Variants in ZNF804A observed in about 807,000 individuals in gnomAD.
The protein encoded by ZNF804A is zinc finger protein 804A.
ZNF804A carries 2 observed loss-of-function variants against 16.5 expected under a neutral mutation model. The observed-to-expected ratio is 0.12, with a 90% CI of 0.05 to 0.38. The LOEUF is 0.38. ZNF804A is among the 10% of genes least tolerant of loss of function. The pLI is 0.99. For synonymous variants in ZNF804A, 534 were observed against 489.6 expected, an observed-to-expected ratio of 1.09 and a Z score of -1.20; for missense variants, 1,473 against 1,390.7, an observed-to-expected ratio of 1.06 and a Z score of -0.94.
intron 1 of ZNF804A, among the ~76,000 whole-genome samples, chr2:184,655,344 G>A (rs1692059348): frequency 6.6e-6 from 1 of 152,130 alleles, no homozygotes; most frequent in Admixed American, 6.5e-5. Context: ...CTGTCAAGTT[G>A]CAAAGGATGG....
At chr2:184,713,856 A>G (rs1693172602) in intron 1 of ZNF804A, among the ~76,000 whole-genome samples, 1 of 152,060 alleles carries the variant, frequency 6.6e-6, no homozygotes. Context: ...AGGAAATAAT[A>G]TGTTGTGTCA....
At chr2:184,835,001 A>G (rs1247476661) in intron 1 of ZNF804A, among the ~76,000 whole-genome samples, 1 of 152,190 alleles carries the variant, frequency 6.6e-6, no homozygotes, top group Non-Finnish European at 1.5e-5. Flanking sequence ...TGAAAGATCA[A>G]CTGACTACCT....
intron 1 of ZNF804A, among the ~76,000 whole-genome samples, chr2:184,676,591 A>C (rs1424357162): frequency 6.6e-6 from 1 of 151,792 alleles, no homozygotes; most frequent in Non-Finnish European, 1.5e-5. Flanking sequence ...TATCATATAC[A>C]ATATGAGTAT....
intron 2 of ZNF804A, among the ~76,000 whole-genome samples, chr2:184,876,564 C>T (rs1262289287): frequency 2.0e-5 from 3 of 152,142 alleles, no homozygotes; most frequent in African/African-American, 7.2e-5. Flanking sequence ...CACACATTTA[C>T]ATATATATAG....
intron 1 of ZNF804A, among the ~76,000 whole-genome samples, chr2:184,828,323 G>C (rs1055795892): frequency 6.6e-6 from 1 of 151,638 alleles, no homozygotes; most frequent in Non-Finnish European, 1.5e-5. Flanking sequence ...ATTACAATGT[G>C]ATAACAAAAT....
At chr2:184,644,184 C>T (rs1438552928) in intron 1 of ZNF804A, among the ~76,000 whole-genome samples, 1 of 151,102 alleles carries the variant, frequency 6.6e-6, no homozygotes, top group East Asian at 1.9e-4. Context: ...GTTAGAGGTA[C>T]AAAGACAAGA....
intron 3 of ZNF804A, 132 bp from the exon 4 acceptor site, chr2:184,935,651 G>A: frequency 9.7e-7 from 1 of 1,033,712 alleles, no homozygotes; most frequent in Non-Finnish European, 1.3e-6. Context: ...TACACCATAT[G>A]AAGGCAATTC....
At chr2:184,673,749 C>A (rs1692376894) in intron 1 of ZNF804A, among the ~76,000 whole-genome samples, 1 of 151,922 alleles carries the variant, frequency 6.6e-6, no homozygotes. Context: ...GAAAAACGGG[C>A]AAAGGGAAAA....
At position 184,786,797 on chromosome 2, in the gene ZNF804A, G is replaced by A. The variant is rs138445476; in HGVS notation, c.112-79572G>A. ...TGAATATAATTTTAATTCCAAATCT[G>A]ACCATAATTCCTAATGTATTTCTTT... On this transcript the variant is annotated intron_variant, in intron 1 of 3. Coordinates refer to ENST00000302277, the MANE Select transcript of ZNF804A (RefSeq NM_194250.2). 2.5e-3 allele frequency among the ~76,000 whole-genome samples: 382 copies of A among 151,868 alleles called. 1 individual carries two copies. The highest frequency in any genetic ancestry group is 8.7e-3 in the African/African-American group (361 of 41,454).
intron 1 of ZNF804A, among the ~76,000 whole-genome samples, chr2:184,754,804 A>G (rs1391810196): frequency 6.6e-6 from 1 of 151,800 alleles, no homozygotes; most frequent in African/African-American, 2.4e-5. Context: ...CCTTTAGTGT[A>G]ATCATATAAA....
chr2:184,821,174 G>A (rs2105791096), intron 1 of ZNF804A, among the ~76,000 whole-genome samples: 1 of 152,172 alleles, frequency 6.6e-6, no homozygotes, highest in Middle Eastern at 3.4e-3. Flanking sequence ...ATACTACAAG[G>A]CTGCAGTAAC....
At chr2:184,773,538 G>A (rs915945065) in intron 1 of ZNF804A, among the ~76,000 whole-genome samples, 1 of 151,946 alleles carries the variant, frequency 6.6e-6, no homozygotes, top group Non-Finnish European at 1.5e-5. Flanking sequence ...TATTCTTAGT[G>A]AAGTAACTCA....
Position 184,938,703 on chromosome 2 carries a change from T to C in ZNF804A, c.3307T>C (p.Leu1103=). ...TSVTTIHHTV[L]QQHAAAAAAA... is the part of the protein sequence containing the mutation. The stretch of plus-strand genomic sequence containing the variant: ...TGTAACCACTATCCATCACACTGTT[T>C]TGCAGCAGCACGCTGCAGCTGCTGC... The change falls in exon 4 of 4, where the codon TTG becomes CTG. Residue 1103 remains leucine (L), a synonymous_variant. Transcript: ENST00000302277. 1 of 1,613,596 alleles carries C rather than the reference T, an allele frequency of 6.2e-7. No homozygotes were observed. Among genetic ancestry groups the C allele is most frequent in the Non-Finnish European group, 8.5e-7 (1 of 1,179,786 alleles).
At chr2:184,664,622 A>G (rs1235229960) in intron 1 of ZNF804A, among the ~76,000 whole-genome samples, 1 of 152,184 alleles carries the variant, frequency 6.6e-6, no homozygotes, top group African/African-American at 2.4e-5. Flanking sequence ...TGCAGCTACA[A>G]CATCGATTTC....
In ZNF804A at chr2:184,936,197, G is replaced by T. The variant is rs1313529296; in HGVS notation, c.801G>T (p.Val267=). ...TTCAACAATCTTCACCAACAGATGT[G>T]CTTTTGAGTTCTGAGGAGAAAACTA... ...CHLQQSSPTD[V]LLSSEEKTNS... is the part of the protein sequence containing the mutation. The change falls in exon 4 of 4, where the codon GTG becomes GTT. Residue 267 remains valine (V), a synonymous_variant. Transcript: ENST00000302277. The T allele has an allele frequency of 6.2e-7, 1 of 1,614,006 alleles. No homozygotes were observed. Among genetic ancestry groups the T allele is most frequent in the African/African-American group, 1.3e-5 (1 of 75,058 alleles).
intron 1 of ZNF804A, among the ~76,000 whole-genome samples, chr2:184,782,619 A>G (rs1364741033): frequency 6.6e-6 from 1 of 150,452 alleles, no homozygotes; most frequent in Admixed American, 6.7e-5. Flanking sequence ...CTATTGTGGG[A>G]CCTTGTGATT....
intron 1 of ZNF804A, among the ~76,000 whole-genome samples, chr2:184,630,945 A>C (rs1441081562): frequency 6.6e-6 from 1 of 152,156 alleles, no homozygotes; most frequent in African/African-American, 2.4e-5. Flanking sequence ...TATTCTTCAG[A>C]GATTGGATTT....
rs904478907 is a variant in ZNF804A at position 184,915,022 on chromosome 2, G to A, written c.256-18581G>A. On this transcript the variant is annotated intron_variant, in intron 2 of 3. Coordinates refer to ENST00000302277, the MANE Select transcript of ZNF804A (RefSeq NM_194250.2). ...ATATAATTGGAGTAGTCATGCAGTA[G>A]TAATTTTTATTTTGGTTTTACAATA... Among the ~76,000 whole-genome samples, 9 of 151,830 alleles carry A rather than the reference G, an allele frequency of 5.9e-5. No homozygotes were observed. In the East Asian group the frequency reaches 1.7e-3, roughly 30 times the overall value.
intron 1 of ZNF804A, among the ~76,000 whole-genome samples, chr2:184,623,770 C>T (rs572855086): frequency 5.0e-4 from 76 of 152,230 alleles, no homozygotes; most frequent in African/African-American, 1.7e-3. Flanking sequence ...CAGGTGTGCA[C>T]GCACATACAC....
Sources: gnomAD v4.1 joint callset for allele counts (sites outside exome capture counted in the v4.1 genomes callset) on GRCh38, gnomAD v4.1.1 for gene constraint, MANE v1.5 for transcripts, NCBI Gene and HGNC (gene_info 2026-07-23, HGNC 2026-07-21) for gene names.